The following KIF26B variants were observed in gnomAD, a reference collection of about 807,000 sequenced individuals.
The protein encoded by KIF26B is kinesin family member 26B.
A neutral mutation model predicts 151.2 loss-of-function variants in KIF26B; 63 were observed. The observed-to-expected ratio is 0.42, with a 90% CI of 0.34 to 0.51. KIF26B has a LOEUF of 0.51. Among genes scored for constraint, KIF26B ranks in the 20% least tolerant of loss-of-function variants. The pLI, the probability that KIF26B is intolerant of heterozygous loss-of-function variation, is 0.07. For synonymous variants in KIF26B, 1,357 were observed against 1,262.1 expected (o/e 1.08, Z -1.59); for missense variants, 2,813 against 2,913.6 (o/e 0.97, Z 0.79).
At chr1:245,322,241 G>A (rs902406849) in intron 2 of KIF26B, among the ~76,000 whole-genome samples, 9 of 152,110 alleles carry the variant, frequency 5.9e-5, no homozygotes, top group African/African-American at 2.2e-4. Context: ...GATAAGGGGA[G>A]GGAGAGCATT....
chr1:245,350,706 G>C (rs1672550191), intron 2 of KIF26B, among the ~76,000 whole-genome samples: 1 of 152,092 alleles, frequency 6.6e-6, no homozygotes, highest in Admixed American at 6.5e-5. Flanking sequence ...CAGGATCCCA[G>C]GTATGGTCTC....
At position 245,494,070 on chromosome 1, in the gene KIF26B, G is replaced by A. The variant is rs547468208; in HGVS notation, c.1167-46697G>A. Among the ~76,000 whole-genome samples, 41 of 152,156 alleles carry A rather than the reference G, an allele frequency of 2.7e-4. 1 individual carries two copies. In the South Asian group the frequency reaches 6.8e-3, roughly 25 times the overall value. The stretch of plus-strand genomic sequence containing the variant: ...TGTAATCCCAGCACTTTGGGAGGCC[G>A]AGGTGGGTGGATCACCTGAGGTCAG... On this transcript the variant is annotated intron_variant, in intron 4 of 14. Transcript: ENST00000407071.
At chr1:245,243,035 A>C (rs963823322) in intron 2 of KIF26B, among the ~76,000 whole-genome samples, 1 of 152,156 alleles carries the variant, frequency 6.6e-6, no homozygotes, top group Non-Finnish European at 1.5e-5. Context: ...GCATTCTTGC[A>C]TATGTATTCT....
At position 245,540,808 on chromosome 1, in the gene KIF26B, A is replaced by G. The variant is rs981975824; in HGVS notation, c.1208A>G (p.His403Arg). Residue 403 changes from histidine (H) to arginine (R), a missense_variant, in exon 5 of 15, where the codon CAT becomes CGT. This residue lies in a region of KIF26B where 676 missense variants were observed against 688.1 expected (regional missense o/e 0.98). Transcript: ENST00000407071. This position sits in a 1 kb window ranked among gnomAD's most constrained non-coding sequence, Gnocchi z 4.6. ...KLNLSSKKKK[H>R]RPSTSSAAEP... is the part of the protein sequence containing the mutation. ...AATCTGTCTTCTAAAAAGAAGAAAC[A>G]TCGGCCTTCCACTTCTTCCGCTGCC... is the stretch of plus-strand genomic sequence containing the variant. 1.9e-6 allele frequency: 3 copies of G among 1,614,052 alleles called. No homozygotes were observed. Among genetic ancestry groups the G allele is most frequent in the South Asian group, 2.2e-5 (2 of 91,084 alleles).
chr1:245,187,297 G>A, intron 2 of KIF26B, among the ~76,000 whole-genome samples: 1 of 152,240 alleles, frequency 6.6e-6, no homozygotes, highest in South Asian at 2.1e-4. Flanking sequence ...ATAAGTGGGA[G>A]CTAAATAATG....
chr1:245,219,250 C>T (rs1181133805), intron 2 of KIF26B, among the ~76,000 whole-genome samples: 6 of 147,622 alleles, frequency 4.1e-5, no homozygotes, highest in African/African-American at 1.5e-4. Flanking sequence ...ACCATTCTCT[C>T]GCCTCAGCCT....
At chr1:245,617,035 G>A (rs1471107787) in intron 9 of KIF26B, among the ~76,000 whole-genome samples, 1 of 152,170 alleles carries the variant, frequency 6.6e-6, no homozygotes, top group Non-Finnish European at 1.5e-5. Context: ...GCACACATCT[G>A]TGCTACACTC....
intron 2 of KIF26B, among the ~76,000 whole-genome samples, chr1:245,261,415 GC>G (rs1670635617): frequency 6.6e-6 from 1 of 151,574 alleles, no homozygotes; most frequent in Non-Finnish European, 1.5e-5. Context: ...AGAGGCATGA[GC>G]CACCGCGCCC....
At chr1:245,245,582 G>A (rs1040669948) in intron 2 of KIF26B, among the ~76,000 whole-genome samples, 29 of 152,214 alleles carry the variant, frequency 1.9e-4, no homozygotes, top group African/African-American at 7.0e-4. Flanking sequence ...CCTGAAGTCA[G>A]CAGTTCAAGA....
chr1:245,522,061 G>A (rs968756360), intron 4 of KIF26B, among the ~76,000 whole-genome samples: 4 of 152,072 alleles, frequency 2.6e-5, no homozygotes, highest in South Asian at 2.1e-4. Flanking sequence ...AGTAGAGACG[G>A]GGTTTCACCG....
At chr1:245,632,079 G>C (rs1291236639) in intron 9 of KIF26B, among the ~76,000 whole-genome samples, 1 of 151,562 alleles carries the variant, frequency 6.6e-6, no homozygotes, top group African/African-American at 2.4e-5. Flanking sequence ...TCTGATTTTT[G>C]GCTCAGTTTG....
chr1:245,591,225 A>G (rs144121133), intron 5 of KIF26B, among the ~76,000 whole-genome samples: 1 of 152,316 alleles, frequency 6.6e-6, no homozygotes, highest in East Asian at 1.9e-4. Flanking sequence ...TAATGAGGAA[A>G]CTATGTTAAA....
chr1:245,574,380 G>A (rs142877440), intron 5 of KIF26B, among the ~76,000 whole-genome samples: 1,671 of 152,298 alleles, frequency 0.011, 25 homozygotes, highest in African/African-American at 0.038. Flanking sequence ...CTGACCTCAG[G>A]TGGTCTGCCC....
intron 4 of KIF26B, among the ~76,000 whole-genome samples, chr1:245,509,742 G>T (rs1558193231): frequency 6.6e-6 from 1 of 152,190 alleles, no homozygotes; most frequent in African/African-American, 2.4e-5. Flanking sequence ...AGAAACACAG[G>T]TGAACAGGGA....
chr1:245,434,623 C>A (rs1029483066), intron 4 of KIF26B, among the ~76,000 whole-genome samples: 1 of 152,154 alleles, frequency 6.6e-6, no homozygotes, highest in East Asian at 1.9e-4. Context: ...CTGTGGGAGC[C>A]CCCTGCACCC....
Position 245,472,912 on chromosome 1 carries a change from T to A in KIF26B, c.1166+53167T>A, listed in dbSNP as rs115430342. Reference sequence around the variant, plus strand: ...CCCCCAGACTGGGCACAAAGTTATTTACCTAATGTAGCCAAGAGGTAGGTG... The same window carrying A: ...CCCCCAGACTGGGCACAAAGTTATTAACCTAATGTAGCCAAGAGGTAGGTG... On this transcript the variant is annotated intron_variant, in intron 4 of 14. Coordinates refer to ENST00000407071, the MANE Select transcript of KIF26B (RefSeq NM_018012.4). 5.9e-3 allele frequency among the ~76,000 whole-genome samples: 906 copies of A among 152,380 alleles called. 5 individuals are homozygous for A. Among genetic ancestry groups the A allele is most frequent in the African/African-American group, 0.02 (852 of 41,590 alleles).
At chr1:245,194,042 C>T (rs1463275602) in intron 2 of KIF26B, among the ~76,000 whole-genome samples, 4 of 152,136 alleles carry the variant, frequency 2.6e-5, no homozygotes, top group African/African-American at 9.7e-5. Flanking sequence ...CAAAATAATA[C>T]CACTAGAATT....
intron 2 of KIF26B, among the ~76,000 whole-genome samples, chr1:245,156,885 G>A (rs1668447277): frequency 6.6e-6 from 1 of 152,186 alleles, no homozygotes; most frequent in Non-Finnish European, 1.5e-5. Flanking sequence ...CGCCCGGGGG[G>A]CAGGAGGACC....
At chr1:245,159,582 G>A (rs1668501670) in intron 2 of KIF26B, among the ~76,000 whole-genome samples, 1 of 152,202 alleles carries the variant, frequency 6.6e-6, no homozygotes, top group Non-Finnish European at 1.5e-5. Flanking sequence ...TTAGATTTAT[G>A]TTTTACAGAA....
Sources: allele counts gnomAD v4.1 joint callset (sites outside exome capture counted in the v4.1 genomes callset), GRCh38; gene constraint gnomAD v4.1.1; regional missense constraint gnomAD v4.1.1; non-coding constraint Gnocchi (gnomAD v3.1); transcripts MANE v1.5; gene names NCBI Gene and HGNC (gene_info 2026-07-23, HGNC 2026-07-21).